PIF1: variants seen among roughly 807,000 people sequenced by gnomAD.
PIF1 encodes PIF1 5'-to-3' DNA helicase, also known as ATP-dependent DNA helicase PIF1.
Under a neutral mutation model 62.3 loss-of-function variants are expected in PIF1, and 67 were observed. That is an observed-to-expected ratio of 1.08 (90% CI 0.88 to 1.32). The LOEUF (loss-of-function observed/expected upper bound fraction) is 1.32. PIF1 is among the 40% of genes most tolerant of loss of function. PIF1 has a pLI of 0.00. For synonymous variants in PIF1, 364 were observed against 379.5 expected, an observed-to-expected ratio of 0.96 and a Z score of 0.47; for missense variants, 886 against 866.1, an observed-to-expected ratio of 1.02 and a Z score of -0.29.
At chr15:64,821,987 G>T (rs1291770078) in intron 4 of PIF1, 2 of 409,294 alleles carry the variant, frequency 4.9e-6, no homozygotes, top group African/African-American at 4.2e-5. Flanking sequence ...TGATCCGCCT[G>T]CCTCGGCCTC....
chr15:64,815,645 C>A lies in PIF1; in HGVS notation c.*653G>T, dbSNP rs557202700. On this transcript the variant is annotated 3_prime_UTR_variant, in exon 13 of 13. Transcript: ENST00000559239. Reference sequence around the variant, plus strand: ...CAGGAGGCACAGTTTTTACACAATTCTCTAGTTTATTTGTCCGAAATAAAT... The same window carrying A: ...CAGGAGGCACAGTTTTTACACAATTATCTAGTTTATTTGTCCGAAATAAAT... 63 of 1,513,266 alleles carry A rather than the reference C, an allele frequency of 4.2e-5. No individual in the cohort carries two copies. The Middle Eastern group carries it at 8.6e-4, about 21-fold the overall frequency. 93.7% of individuals were successfully genotyped at this position (1,513,266 alleles called of 1,614,324 possible).
chr15:64,820,964 C>T lies in PIF1; in HGVS notation c.1193+18G>A, dbSNP rs1211225217. 6.2e-7 allele frequency: 1 copy of T among 1,609,368 alleles called. No individual in the cohort carries two copies. The highest frequency in any genetic ancestry group is 8.5e-7 in the Non-Finnish European group (1 of 1,176,786). On this transcript the variant is annotated intron_variant, in intron 7 of 12. Coordinates refer to ENST00000559239, the MANE Select transcript of PIF1 (RefSeq NM_001286496.2). Reference sequence around the variant, plus strand: ...GGATCCTCATCCCATAGCCCCTTCCCCAACCAGCAGAGCTCACCTGCCTAG... The same window carrying T: ...GGATCCTCATCCCATAGCCCCTTCCTCAACCAGCAGAGCTCACCTGCCTAG...
intron 4 of PIF1, 102 bp downstream of exon 4, chr15:64,822,164 G>A (rs55736601): frequency 0.12 from 172,163 of 1,478,482 alleles, 11,334 homozygotes; most frequent in Non-Finnish European, 0.14. Flanking sequence ...AGTGAGCCAC[G>A]GCGCCCAGCC....
chr15:64,826,655 T>TATATATAC (rs1567090285), upstream of PIF1, among the ~76,000 whole-genome samples: 6 of 37,462 alleles, frequency 1.6e-4, no homozygotes, highest in Non-Finnish European at 3.7e-4. Flanking sequence ...TATATATATA[T>TATATATAC]ATATATATAT....
chr15:64,823,683 C>T, intron 2 of PIF1, 95 bp downstream of exon 2: 3 of 948,462 alleles, frequency 3.2e-6, no homozygotes, highest in Admixed American at 4.3e-5. Flanking sequence ...CAAATACCCA[C>T]ACCGGCTTCC....
At chr15:64,820,112 G>A in intron 7 of PIF1, 126 bp from the exon 8 acceptor site, 1 of 1,232,416 alleles carries the variant, frequency 8.1e-7, no homozygotes, top group Non-Finnish European at 1.1e-6. Context: ...CACCAGGGAA[G>A]AGTTGCTGCC....
chr15:64,820,920 T>A (rs541025728), intron 7 of PIF1, 62 bp downstream of exon 7: 1 of 1,424,658 alleles, frequency 7.0e-7, no homozygotes, highest in African/African-American at 1.4e-5. Context: ...CTCTCTGTGT[T>A]CCACTGTGGC....
Position 64,823,995 on chromosome 15 carries a change from C to A in PIF1, c.341G>T (p.Arg114Leu). 7.7e-7 allele frequency: 1 copy of A among 1,298,630 alleles called. No individual in the cohort carries two copies. Among genetic ancestry groups the A allele is most frequent in the Non-Finnish European group, 9.8e-7 (1 of 1,023,542 alleles). 80.4% of individuals were successfully genotyped at this position (1,298,630 alleles called of 1,614,324 possible). ...GAGGCGCAATGTGCGCAGGAAGCGG[C>A]GCAGGCGGTCTGGGGGGCAGTCCGA... is the stretch of plus-strand genomic sequence containing the variant. The part of the protein sequence containing the change: ...LLSDCPPDRL[R>L]RFLRTLRLKL... The change falls in exon 2 of 13, where the codon CGC becomes CTC. Residue 114 changes from arginine (R) to leucine (L), a missense_variant. By Grantham distance (102) the Arg-to-Leu change is moderately radical. Transcript: ENST00000559239.
intron 2 of PIF1, 177 bp downstream of exon 2, chr15:64,823,601 T>C: frequency 2.3e-6 from 1 of 430,444 alleles, no homozygotes; most frequent in South Asian, 1.3e-4. Context: ...TTACTCCATC[T>C]CAGGGATTAC....
rs749578404 is a variant in PIF1, at chr15:64,816,758, G to T, written c.1682C>A (p.Thr561Asn). Residue 561 changes from threonine to asparagine, a missense_variant, in exon 12 of 13, where the codon ACC (threonine) becomes AAC (asparagine). Physicochemically the swap from Thr to Asn is moderately conservative, Grantham distance 65. Coordinates refer to ENST00000559239, the MANE Select transcript of PIF1 (RefSeq NM_001286496.2). ...AMSIHKSQGM[T>N]LDCVEISLGR... is the part of the protein sequence containing the mutation. ...CAGAGAAATCTCCACACAATCCAGG[G>T]TCATGCCCTGGGGGATGCAGGGACA... 2 of 1,592,098 alleles carry T rather than the reference G, an allele frequency of 1.3e-6. No homozygotes were observed. The highest frequency in any genetic ancestry group is 2.2e-5 in the South Asian group (2 of 89,050).
chr15:64,816,195 A>G lies in PIF1; in HGVS notation c.*103T>C. 6.4e-7 allele frequency: 1 copy of G among 1,572,434 alleles called. No individual in the cohort carries two copies. The highest frequency in any genetic ancestry group is 8.6e-7 in the Non-Finnish European group (1 of 1,159,722). ...GTCCCTAAAAAATACAGAAGGGGACACTGCCTGCCTACTCCAGTTATTCCC... is the reference window on the plus strand; with the variant it reads ...GTCCCTAAAAAATACAGAAGGGGACGCTGCCTGCCTACTCCAGTTATTCCC... On this transcript the variant is annotated 3_prime_UTR_variant, in exon 13 of 13. Transcript: ENST00000559239.
In PIF1 at chr15:64,817,961, G is replaced by A. The variant is rs2084214043; in HGVS notation, c.1659C>T (p.Ser553=). ...QLPLQLAWAM[S]IHKSQGMTLD... ...CGGTGCTCACTTGGCTCTTGTGGAT[G>A]GACATCGCCCAGGCCAGCTGGAGGG... The change falls in exon 11 of 13, where the codon TCC becomes TCT. Residue 553 remains serine, a synonymous_variant. Coordinates refer to ENST00000559239, the MANE Select transcript of PIF1 (RefSeq NM_001286496.2). 1 of 1,611,872 alleles carries A rather than the reference G, an allele frequency of 6.2e-7. No individual in the cohort carries two copies. The highest frequency in any genetic ancestry group is 1.3e-5 in the African/African-American group (1 of 74,832).
At position 64,819,204 on chromosome 15, in the gene PIF1, C is replaced by T. The variant is rs2084244961; in HGVS notation, c.1353G>A (p.Glu451=). 3 of 1,604,892 alleles carry T rather than the reference C, an allele frequency of 1.9e-6. No homozygotes were observed. The highest frequency in any genetic ancestry group is 2.3e-5 in the South Asian group (2 of 88,826). The change falls in exon 9 of 13, where the codon GAG becomes GAA. Residue 451 remains glutamate, a synonymous_variant. Coordinates refer to ENST00000559239, the MANE Select transcript of PIF1 (RefSeq NM_001286496.2). ...QELPGKVHRF[E]AMDSNPELAS... Reference sequence around the variant, plus strand: ...CCAGCTCAGGGTTGCTGTCCATAGCCTCAAATCTGTGTACCTTACCTGGAG... The same window carrying T: ...CCAGCTCAGGGTTGCTGTCCATAGCTTCAAATCTGTGTACCTTACCTGGAG...
chr15:64,816,765 C>A lies in PIF1; in HGVS notation c.1675G>T (p.Gly559Cys), dbSNP rs1234818862. The change falls in exon 12 of 13, where the codon GGC (glycine) becomes TGC (cysteine). Residue 559 changes from glycine (G) to cysteine (C), a missense_variant and splice_region_variant. Gly to Cys is a radical substitution (Grantham distance 159). Transcript: ENST00000559239. ...ATCTCCACACAATCCAGGGTCATGC[C>A]CTGGGGGATGCAGGGACAGAGATGG... ...AWAMSIHKSQ[G>C]MTLDCVEISL... 3.2e-6 allele frequency: 5 copies of A among 1,581,718 alleles called. No individual in the cohort carries two copies. The highest frequency in any genetic ancestry group is 3.4e-6 in the Non-Finnish European group (4 of 1,163,836).
chr15:64,816,398 G>A (rs761030085), intron 12 of PIF1, 41 bp from the exon 13 acceptor site: 29 of 1,612,628 alleles, frequency 1.8e-5, no homozygotes, highest in Non-Finnish European at 2.4e-5. Context: ...GGTTTGTGCT[G>A]TTCCCCAGGA....
chr15:64,825,338 G>A (rs1466061522), intron 1 of PIF1, among the ~76,000 whole-genome samples: 1 of 152,178 alleles, frequency 6.6e-6, no homozygotes, highest in Non-Finnish European at 1.5e-5. Flanking sequence ...CAGGCTAAGA[G>A]AGGGAAACTC....
Position 64,821,408 on chromosome 15 carries a change from C to A in PIF1, c.930G>T (p.Met310Ile). The A allele has an allele frequency of 6.2e-7, 1 of 1,614,192 alleles. No homozygotes were observed. The highest frequency in any genetic ancestry group is 1.1e-5 in the South Asian group (1 of 91,074). The change falls in exon 5 of 13, where the codon ATG becomes ATT. Residue 310 changes from methionine (M) to isoleucine (I), a missense_variant. Physicochemically the swap from Met to Ile is conservative, Grantham distance 10. Coordinates refer to ENST00000559239, the MANE Select transcript of PIF1 (RefSeq NM_001286496.2). ...GTTTGTCAAACAGGTCTGCCTCCAC[C>A]ATTGAGATCTCGTCAATGACCAACC... ...CQRLVIDEIS[M>I]VEADLFDKLE...
In PIF1 at chr15:64,821,527, G is replaced by C; in HGVS notation, c.818-7C>G. ...GCCTGGCCTGAGCCGATGCCTGTGAGTGACACTATTCAGCCTGGGCTAATA... is the reference window on the plus strand; with the variant it reads ...GCCTGGCCTGAGCCGATGCCTGTGACTGACACTATTCAGCCTGGGCTAATA... On this transcript the variant is annotated splice_region_variant and splice_polypyrimidine_tract_variant and intron_variant, in intron 4 of 12. Transcript: ENST00000559239. 6.3e-7 allele frequency: 1 copy of C among 1,585,382 alleles called. No individual in the cohort carries two copies. The highest frequency in any genetic ancestry group is 1.4e-5 in the African/African-American group (1 of 73,640).
In PIF1 at chr15:64,818,038, G is replaced by A. The variant is rs747098526; in HGVS notation, c.1582C>T (p.Arg528Cys). Residue 528 changes from arginine (R) to cysteine (C), a missense_variant, in exon 11 of 13, where the codon CGC becomes TGC. Coordinates refer to ENST00000559239, the MANE Select transcript of PIF1 (RefSeq NM_001286496.2). ...CCCCCGGTGGCCTGCACCGTCCAGC[G>A]GTCAGCGTGGATGACCTCAGTGACT... ...CGVTEVIHAD[R>C]WTVQATGGQL... 1.3e-5 allele frequency: 21 copies of A among 1,613,668 alleles called. No homozygotes were observed. The highest frequency in any genetic ancestry group is 1.0e-4 in the Admixed American group (6 of 59,924).
Sources: gnomAD v4.1 joint callset for allele counts (sites outside exome capture counted in the v4.1 genomes callset) on GRCh38, gnomAD v4.1.1 for gene constraint, MANE v1.5 for transcripts, NCBI Gene and HGNC (gene_info 2026-07-23, HGNC 2026-07-21) for gene names.